The following PDCD4 variants were observed in gnomAD, a reference collection of about 807,000 sequenced individuals.
The protein encoded by PDCD4 is programmed cell death protein 4.
In PDCD4, 56 loss-of-function variants were observed where a neutral mutation model predicts 54.0. The observed-to-expected ratio is 1.04, with a 90% CI of 0.84 to 1.30. The LOEUF (loss-of-function observed/expected upper bound fraction) is 1.30. Among genes scored for constraint, PDCD4 ranks in the 50% most tolerant of loss-of-function variants. The pLI, the probability that PDCD4 is intolerant of heterozygous loss-of-function variation, is 0.00. For synonymous variants in PDCD4, 186 were observed against 194.8 expected, an observed-to-expected ratio of 0.95 and a Z score of 0.37; for missense variants, 584 against 559.8, an observed-to-expected ratio of 1.04 and a Z score of -0.44.
In PDCD4 at chr10:110,883,085, T is replaced by A. The variant is rs772268671; in HGVS notation, c.429T>A (p.Tyr143Ter). The A allele has an allele frequency of 1.3e-6, 2 of 1,580,876 alleles. No homozygotes were observed. The highest frequency in any genetic ancestry group is 2.3e-5 in the South Asian group (2 of 87,262). The change falls in exon 4 of 12, where the codon TAT (tyrosine) becomes TAA (stop). Residue 143 changes from tyrosine (Y) to a stop codon, truncating the protein, a stop_gained. Coordinates refer to ENST00000280154, the MANE Select transcript of PDCD4 (RefSeq NM_014456.5). LOFTEE classifies it high-confidence loss of function. Reference sequence around the variant, plus strand: ...AGGTGGATGTGAAAGATCCTAACTATGATGATGACCAGGTATCAGTGCTTT... The same window carrying A: ...AGGTGGATGTGAAAGATCCTAACTAAGATGATGACCAGGTATCAGTGCTTT... ...VEEVDVKDPN[Y>*]DDDQENCVYE...
At chr10:110,881,100 C>T in intron 2 of PDCD4, 133 bp from the exon 3 acceptor site, 3 of 624,544 alleles carry the variant, frequency 4.8e-6, no homozygotes, top group African/African-American at 1.8e-5. Flanking sequence ...ATGAAATTCC[C>T]AATATGTGAC....
At chr10:110,875,364 C>A (rs1329993912) in intron 1 of PDCD4, among the ~76,000 whole-genome samples, 2 of 152,016 alleles carry the variant, frequency 1.3e-5, no homozygotes, top group African/African-American at 4.8e-5. Context: ...AAGGATTTCT[C>A]ATATAAATAA....
intron 8 of PDCD4, among the ~76,000 whole-genome samples, chr10:110,892,514 G>A (rs1399788095): frequency 1.3e-5 from 2 of 152,110 alleles, no homozygotes; most frequent in African/African-American, 2.4e-5. Flanking sequence ...TTTGATGGGG[G>A]ATATTTTTAA....
At chr10:110,888,197 G>T (rs955250042) in intron 6 of PDCD4, among the ~76,000 whole-genome samples, 1 of 151,182 alleles carries the variant, frequency 6.6e-6, no homozygotes, top group Non-Finnish European at 1.5e-5. Context: ...TATTAGCTAA[G>T]ATTTTTAAAA....
Position 110,887,890 on chromosome 10 carries a change from T to C in PDCD4, c.777+4T>C, listed in dbSNP as rs377732079. On this transcript the variant is annotated splice_donor_region_variant and intron_variant, in intron 6 of 11. Transcript: ENST00000280154. ...GGATACTCCTAGAGCACCACAGGTT[T>C]GTATGATTCTTCTTTTTGTTCATTC... 4.5e-6 allele frequency: 7 copies of C among 1,560,946 alleles called. No homozygotes were observed. The African/African-American group carries it at 9.5e-5, about 21-fold the overall frequency.
intron 4 of PDCD4, 28 bp from the exon 5 acceptor site, chr10:110,885,225 T>C: frequency 9.6e-7 from 1 of 1,038,524 alleles, no homozygotes; most frequent in Non-Finnish European, 1.5e-6. Context: ...TTGTTTTTTA[T>C]AACTCTTACT....
intron 3 of PDCD4, among the ~76,000 whole-genome samples, chr10:110,881,917 A>G (rs1214989823): frequency 2.0e-5 from 3 of 152,210 alleles, no homozygotes; most frequent in African/African-American, 7.2e-5. Context: ...TATACATTTG[A>G]TTGATAACGT....
chr10:110,891,410 A>C (rs1275442435), intron 8 of PDCD4, among the ~76,000 whole-genome samples: 3 of 150,726 alleles, frequency 2.0e-5, no homozygotes, highest in African/African-American at 7.3e-5. Flanking sequence ...CTGTCTCAAA[A>C]AAAAAAAAAA....
chr10:110,894,164 AAGTACCT>A lies in PDCD4; in HGVS notation c.1065_1071del (p.Glu355AspfsTer13). The A allele has an allele frequency of 6.2e-7, 1 of 1,603,602 alleles. No individual in the cohort carries two copies. On this transcript the variant is annotated frameshift_variant, in exon 9 of 12. Coordinates refer to ENST00000280154, the MANE Select transcript of PDCD4 (RefSeq NM_014456.5). LOFTEE classifies it high-confidence loss of function. The stretch of plus-strand genomic sequence containing the variant: ...GCTGAACATTGCCTTAAGGAACTGG[AAGTACCT>A]CATTTTCACCATGAGCTTGTATATG...
chr10:110,883,130 A>C lies in PDCD4; in HGVS notation c.441+33A>C, dbSNP rs762975978. On this transcript the variant is annotated intron_variant, in intron 4 of 11. Transcript: ENST00000280154. ...TGCTTTGCTTTTTCATAATATTTAA[A>C]ATGTTTATGAACTTTTTTGACTTCA... 3 of 1,355,980 alleles carry C rather than the reference A, an allele frequency of 2.2e-6. No individual in the cohort carries two copies. In the South Asian group the frequency reaches 3.8e-5, roughly 17 times the overall value. The allele number at this position is 1,355,980 out of a possible 1,614,324, so 84.0% of individuals were successfully genotyped here.
At chr10:110,875,157 CATT>C (rs1845482534) in intron 1 of PDCD4, among the ~76,000 whole-genome samples, 1 of 152,048 alleles carries the variant, frequency 6.6e-6, no homozygotes, top group African/African-American at 2.4e-5. Context: ...TTTCATATAA[CATT>C]ATTGGATCTG....
In PDCD4 at chr10:110,881,465, A is replaced by T; in HGVS notation, c.276A>T (p.Pro92=). 6.2e-7 allele frequency: 1 copy of T among 1,614,216 alleles called. No individual in the cohort carries two copies. Residue 92 remains proline (P), a synonymous_variant, in exon 3 of 12, where the codon CCA becomes CCT. Coordinates refer to ENST00000280154, the MANE Select transcript of PDCD4 (RefSeq NM_014456.5). The part of the protein sequence containing the change: ...SDALRSGLTV[P]TSPKGRLLDR... ...CCCTTAGAAGTGGATTAACTGTGCC[A>T]ACCAGTCCAAAGGGAAGGTTGCTGG... is the stretch of plus-strand genomic sequence containing the variant.
intron 8 of PDCD4, among the ~76,000 whole-genome samples, chr10:110,892,259 A>G (rs1050140546): frequency 6.6e-6 from 1 of 152,222 alleles, no homozygotes; most frequent in Non-Finnish European, 1.5e-5. Context: ...GATACTTAAT[A>G]TTGTTAAGAT....
At chr10:110,875,887 G>T in intron 1 of PDCD4, 79 bp from the exon 2 acceptor site, 1 of 559,512 alleles carries the variant, frequency 1.8e-6, no homozygotes, top group Non-Finnish European at 3.1e-6. Context: ...TTTACAGTGT[G>T]CTTAAGTAAG....
chr10:110,885,822 A>C (rs1033907750), intron 5 of PDCD4, among the ~76,000 whole-genome samples: 4 of 152,070 alleles, frequency 2.6e-5, no homozygotes, highest in African/African-American at 9.7e-5. Context: ...TCCAAAAAAA[A>C]CCCCACAAAT....
Position 110,890,953 on chromosome 10 carries a change from A to G in PDCD4, c.990+283A>G, listed in dbSNP as rs369715124. 7 of 225,818 alleles carry G rather than the reference A, an allele frequency of 3.1e-5. No individual in the cohort carries two copies. In the South Asian group the frequency reaches 4.5e-4, roughly 15 times the overall value. The allele number at this position is 225,818 out of a possible 1,614,324, so 14.0% of individuals were successfully genotyped here. A position where few individuals can be genotyped will look rare whatever the true frequency, so the allele number is the denominator to read the frequency against. ...AATCTTTTTCTTATAGTATTATTTAATAATTTTCAAATGCTGTTGAAATGA... is the reference window on the plus strand; with the variant it reads ...AATCTTTTTCTTATAGTATTATTTAGTAATTTTCAAATGCTGTTGAAATGA... On this transcript the variant is annotated intron_variant, in intron 8 of 11. Transcript: ENST00000280154.
chr10:110,885,641 A>G (rs1382892325), intron 5 of PDCD4, among the ~76,000 whole-genome samples: 2 of 151,752 alleles, frequency 1.3e-5, no homozygotes, highest in Non-Finnish European at 2.9e-5. Flanking sequence ...ATGAATTTAT[A>G]AAATCTGTTT....
intron 6 of PDCD4, among the ~76,000 whole-genome samples, chr10:110,889,270 G>A (rs1390105717): frequency 1.3e-5 from 2 of 151,204 alleles, no homozygotes; most frequent in African/African-American, 4.9e-5. Context: ...ATGTATTCAG[G>A]CAGTGTGCAA....
At chr10:110,897,222 T>G (rs1213241476) in intron 11 of PDCD4, among the ~76,000 whole-genome samples, 1 of 152,248 alleles carries the variant, frequency 6.6e-6, no homozygotes, top group Non-Finnish European at 1.5e-5. Flanking sequence ...TCTGTGTGGC[T>G]TTATTCTCAA....
Sources: gnomAD v4.1 joint callset for allele counts (sites outside exome capture counted in the v4.1 genomes callset) on GRCh38, gnomAD v4.1.1 for gene constraint, MANE v1.5 for transcripts, NCBI Gene and HGNC (gene_info 2026-07-23, HGNC 2026-07-21) for gene names.